The following DAAM1 variants were observed in gnomAD, a reference collection of about 807,000 sequenced individuals.
The protein encoded by DAAM1 is dishevelled associated activator of morphogenesis 1, also known as disheveled-associated activator of morphogenesis 1.
DAAM1 carries 52 observed loss-of-function variants against 130.0 expected under a neutral mutation model. The ratio of observed to expected loss-of-function variants is 0.40; its 90% CI spans 0.32 to 0.50. The LOEUF (loss-of-function observed/expected upper bound fraction) is 0.50. Ranked by LOEUF, DAAM1 falls within the 20% of genes least tolerant of loss-of-function variation. The probability of loss-of-function intolerance (pLI) is 0.61; values close to 1 mark genes in which losing one functional copy is unlikely to be tolerated. For missense variants in DAAM1, 1,134 were observed against 1,303.8 expected (o/e 0.87, Z 2.01); for synonymous variants, 452 against 444.5 (o/e 1.02, Z -0.21).
intron 1 of DAAM1, among the ~76,000 whole-genome samples, chr14:59,190,152 A>G (rs537824188): frequency 1.3e-3 from 198 of 152,134 alleles, no homozygotes; most frequent in African/African-American, 4.4e-3. Flanking sequence ...GCCCTGGCCC[A>G]GCTGCTCTCT....
In DAAM1 at chr14:59,331,369, C is replaced by T. The variant is rs1594829165; in HGVS notation, c.1721C>T (p.Pro574Leu). ...PPPPPLPPGGPPPPPGPPPLG... is the reference protein window; with the variant it reads ...PPPPPLPPGGLPPPPGPPPLG... ...CCGCCTCCCCTCCCTCCAGGTGGCC[C>T]TCCTCCTCCCCCAGGGCCTCCTCCC... The change falls in exon 14 of 25, where the codon CCT becomes CTT. Residue 574 changes from proline (P) to leucine (L), a missense_variant. Coordinates refer to ENST00000360909, the MANE Select transcript of DAAM1 (RefSeq NM_001270520.2). The T allele has an allele frequency of 6.2e-7, 1 of 1,612,752 alleles. No homozygotes were observed. The highest frequency in any genetic ancestry group is 8.5e-7 in the Non-Finnish European group (1 of 1,179,776).
At chr14:59,305,654 G>T (rs574539661) in intron 3 of DAAM1, among the ~76,000 whole-genome samples, 1 of 152,228 alleles carries the variant, frequency 6.6e-6, no homozygotes, top group South Asian at 2.1e-4. Flanking sequence ...GTCAGCTGAG[G>T]CTTGTTCAGG....
chr14:59,260,944 A>G (rs1054733016), intron 1 of DAAM1, among the ~76,000 whole-genome samples: 2 of 152,156 alleles, frequency 1.3e-5, no homozygotes, highest in African/African-American at 4.8e-5. Context: ...TGGCCTGTTG[A>G]GTAAAGTGTA....
intron 1 of DAAM1, among the ~76,000 whole-genome samples, chr14:59,194,321 ATGT>A (rs1440437977): frequency 7.9e-5 from 12 of 152,324 alleles, no homozygotes; most frequent in Middle Eastern, 3.4e-3. Flanking sequence ...GGAACAGAAA[ATGT>A]TGTGTGAGAT....
intron 23 of DAAM1, among the ~76,000 whole-genome samples, chr14:59,364,593 C>A (rs534439763): frequency 6.6e-6 from 1 of 151,746 alleles, no homozygotes; most frequent in South Asian, 2.1e-4. Flanking sequence ...CCCATTGGTT[C>A]TTTTACTCTA....
At chr14:59,236,093 ATTTAC>A (rs1283933324) in intron 1 of DAAM1, among the ~76,000 whole-genome samples, 2 of 152,016 alleles carry the variant, frequency 1.3e-5, no homozygotes, top group African/African-American at 4.8e-5. Context: ...AACCCACTTT[ATTTAC>A]TTATTTATTC....
intron 1 of DAAM1, among the ~76,000 whole-genome samples, chr14:59,226,700 C>T (rs1216009303): frequency 6.6e-6 from 1 of 152,172 alleles, no homozygotes; most frequent in Admixed American, 6.6e-5. Flanking sequence ...TATTCACTAG[C>T]ATGGGTTAAG....
chr14:59,273,456 A>C (rs1252997), intron 2 of DAAM1, among the ~76,000 whole-genome samples: 165 of 152,324 alleles, frequency 1.1e-3, no homozygotes, highest in Non-Finnish European at 2.0e-3. Context: ...ATACTATAAA[A>C]CTATCTCTGA....
chr14:59,344,036 C>T lies in DAAM1; in HGVS notation c.2076-3503C>T, dbSNP rs1222988330. ...CTGTTTTATTCCCCAAAACAGACCT[C>T]GCTGCCAAAGGCCTGGGGGTGGCAG... On this transcript the variant is annotated intron_variant, in intron 16 of 24. Transcript: ENST00000360909. Among the ~76,000 whole-genome samples, 20 of 152,266 alleles carry T rather than the reference C, an allele frequency of 1.3e-4. No individual in the cohort carries two copies. The East Asian group carries it at 2.5e-3, about 19-fold the overall frequency.
intron 17 of DAAM1, among the ~76,000 whole-genome samples, chr14:59,350,679 C>G (rs61099081): frequency 0.13 from 19,207 of 152,056 alleles, 1,583 homozygotes; most frequent in African/African-American, 0.23. Context: ...CTGCGGGGCC[C>G]TCATTTTTCT....
At chr14:59,254,351 A>G (rs531720455) in intron 1 of DAAM1, among the ~76,000 whole-genome samples, 3 of 152,300 alleles carry the variant, frequency 2.0e-5, no homozygotes, top group South Asian at 4.1e-4. Flanking sequence ...AAAGAACAAA[A>G]CTTGGCCTCT....
chr14:59,190,405 A>C (rs1276871287), intron 1 of DAAM1, among the ~76,000 whole-genome samples: 1 of 152,186 alleles, frequency 6.6e-6, no homozygotes, highest in Non-Finnish European at 1.5e-5. Context: ...TGTTGGAGGC[A>C]GCTTTGTCAT....
At chr14:59,326,685 G>C (rs777230458) in intron 11 of DAAM1, 37 bp downstream of exon 11, 1 of 1,603,334 alleles carries the variant, frequency 6.2e-7, no homozygotes, top group Non-Finnish European at 8.5e-7. Context: ...TGAGATAATG[G>C]TGACAATGTA....
intron 1 of DAAM1, among the ~76,000 whole-genome samples, chr14:59,226,241 T>G (rs1461199533): frequency 6.6e-6 from 1 of 152,214 alleles, no homozygotes; most frequent in Non-Finnish European, 1.5e-5. Flanking sequence ...GTTTACTGAC[T>G]TGGTTTGTAC....
At chr14:59,234,937 G>C (rs565300507) in intron 1 of DAAM1, among the ~76,000 whole-genome samples, 1 of 151,902 alleles carries the variant, frequency 6.6e-6, no homozygotes, top group African/African-American at 2.4e-5. Context: ...TTATGTGATG[G>C]GTTGCATTTA....
At chr14:59,238,079 A>G (rs1440291224) in intron 1 of DAAM1, among the ~76,000 whole-genome samples, 1 of 152,084 alleles carries the variant, frequency 6.6e-6, no homozygotes, top group Non-Finnish European at 1.5e-5. Flanking sequence ...TCTGTGTTTT[A>G]TGTTTTTTTA....
chr14:59,316,880 C>A (rs1884813831), intron 4 of DAAM1, among the ~76,000 whole-genome samples: 1 of 152,204 alleles, frequency 6.6e-6, no homozygotes, highest in Admixed American at 6.5e-5. Context: ...TGGGGAACTA[C>A]TAAGTACTGT....
chr14:59,231,395 C>G (rs1889102240), intron 1 of DAAM1, among the ~76,000 whole-genome samples: 1 of 152,126 alleles, frequency 6.6e-6, no homozygotes, highest in South Asian at 2.1e-4. Context: ...GAGCCCTACC[C>G]TTGAAGTTAA....
intron 22 of DAAM1, chr14:59,362,784 G>A (rs1038950527): frequency 6.6e-6 from 1 of 151,698 alleles, no homozygotes; most frequent in Admixed American, 6.6e-5. Context: ...AAGAAAATAA[G>A]GGAGAATCCA....
Sources: gnomAD v4.1 joint callset for allele counts (sites outside exome capture counted in the v4.1 genomes callset) on GRCh38, gnomAD v4.1.1 for gene constraint, MANE v1.5 for transcripts, NCBI Gene and HGNC (gene_info 2026-07-23, HGNC 2026-07-21) for gene names.